Variants in ARFGEF2 observed in about 807,000 individuals in gnomAD.
ARFGEF2 encodes the protein ARF guanine nucleotide exchange factor 2, also known as brefeldin A-inhibited guanine nucleotide-exchange protein 2.
Under a neutral mutation model 219.9 loss-of-function variants are expected in ARFGEF2, and 74 were observed. The observed-to-expected ratio is 0.34, with a 90% CI of 0.28 to 0.41. The LOEUF is 0.41. Among genes scored for constraint, ARFGEF2 ranks in the 10% least tolerant of loss-of-function variants. ARFGEF2 has a pLI of 1.00. For synonymous variants in ARFGEF2, 733 were observed against 799.2 expected (o/e 0.92, Z 1.40); for missense variants, 1,743 against 2,218.3 (o/e 0.79, Z 4.30).
At chr20:49,021,453 A>G (rs2091564416) in intron 34 of ARFGEF2, among the ~76,000 whole-genome samples, 1 of 152,144 alleles carries the variant, frequency 6.6e-6, no homozygotes, top group African/African-American at 2.4e-5. Context: ...GACATGGGCC[A>G]CCCTTGGGCC....
At chr20:48,962,274 T>C (rs2091158067) in intron 6 of ARFGEF2, among the ~76,000 whole-genome samples, 1 of 152,244 alleles carries the variant, frequency 6.6e-6, no homozygotes, top group African/African-American at 2.4e-5. Context: ...TGTGCTATTC[T>C]TTTATATGAC....
intron 1 of ARFGEF2, among the ~76,000 whole-genome samples, chr20:48,937,815 C>G (rs1186652118): frequency 2.6e-5 from 4 of 152,168 alleles, no homozygotes; most frequent in African/African-American, 9.7e-5. Context: ...CATTCCAAAA[C>G]CAGGTTTTAC....
At chr20:48,953,903 T>C (rs2091089804) in intron 6 of ARFGEF2, 113 bp downstream of exon 6, 1 of 1,082,216 alleles carries the variant, frequency 9.2e-7, no homozygotes, top group Non-Finnish European at 1.4e-6. Context: ...TAACAGCTTA[T>C]CTCTTTCTGG....
intron 8 of ARFGEF2, among the ~76,000 whole-genome samples, chr20:48,968,262 G>A (rs984853484): frequency 2.6e-5 from 4 of 151,916 alleles, no homozygotes; most frequent in South Asian, 2.1e-4. Context: ...CAAAGTGCTG[G>A]GATTACAGGC....
At chr20:48,994,895 T>C (rs900720893) in intron 22 of ARFGEF2, among the ~76,000 whole-genome samples, 4 of 152,164 alleles carry the variant, frequency 2.6e-5, no homozygotes, top group Non-Finnish European at 4.4e-5. Context: ...TGCCTGACAT[T>C]AGAGGGGTGT....
chr20:48,998,804 G>A (rs1040997969), intron 25 of ARFGEF2, among the ~76,000 whole-genome samples: 2 of 152,210 alleles, frequency 1.3e-5, no homozygotes, highest in East Asian at 3.8e-4. Flanking sequence ...ATGCTTGGAA[G>A]CATTGTGAAA....
At chr20:48,970,627 T>TA (rs1008274792) in intron 9 of ARFGEF2, among the ~76,000 whole-genome samples, 4 of 151,728 alleles carry the variant, frequency 2.6e-5, no homozygotes, top group South Asian at 2.1e-4. Flanking sequence ...AATAAATAAA[T>TA]AAATAAAATA....
Position 48,973,294 on chromosome 20 carries a change from CT to C in ARFGEF2, c.1665+11del. On this transcript the variant is annotated intron_variant, in intron 12 of 38. Coordinates refer to ENST00000371917, the MANE Select transcript of ARFGEF2 (RefSeq NM_006420.3). ...AATGACACCTCTGCAGGTAAAAACA[CT>C]GTGGACACTCAATTATATTAAAGTT... The C allele has an allele frequency of 6.2e-7, 1 of 1,614,018 alleles. No individual in the cohort carries two copies. The highest frequency in any genetic ancestry group is 8.5e-7 in the Non-Finnish European group (1 of 1,179,918).
Position 48,950,811 on chromosome 20 carries a change from AATATATATATATAT to A in ARFGEF2, c.277-489_277-476del, listed in dbSNP as rs71184245. 9.6e-4 allele frequency among the ~76,000 whole-genome samples: 62 copies of A among 64,506 alleles called. 1 individual carries two copies. Among genetic ancestry groups the A allele is most frequent in the African/African-American group, 3.8e-3 (51 of 13,414 alleles). 42.3% of individuals were successfully genotyped at this position (64,506 alleles called of 152,430 possible). Reference sequence around the variant, plus strand: ...ACCCTGTCTAAAAAAAAAAAAAAAAAATATATATATATATATATATATATATATATATATATGTA... The same window carrying A: ...ACCCTGTCTAAAAAAAAAAAAAAAAAATATATATATATATATATATATGTA... On this transcript the variant is annotated intron_variant, in intron 3 of 38. Coordinates refer to ENST00000371917, the MANE Select transcript of ARFGEF2 (RefSeq NM_006420.3).
chr20:49,003,494 A>G (rs1279841475), intron 25 of ARFGEF2, among the ~76,000 whole-genome samples: 1 of 151,620 alleles, frequency 6.6e-6, no homozygotes. Context: ...AATCCTAGCT[A>G]CTCAGGAGGT....
chr20:49,001,704 C>T (rs1568731046), intron 25 of ARFGEF2, among the ~76,000 whole-genome samples: 1 of 152,228 alleles, frequency 6.6e-6, no homozygotes, highest in Non-Finnish European at 1.5e-5. Context: ...CTCCCCCACA[C>T]ATCTGGCCCT....
rs778517785 is a variant in ARFGEF2, at chr20:49,033,248, C to G, written c.*49C>G. 14 of 1,599,110 alleles carry G rather than the reference C, an allele frequency of 8.8e-6. No individual in the cohort carries two copies. In the Admixed American group the frequency reaches 1.0e-4, roughly 11 times the overall value. ...GCAGCTCTGCAGAATGTTCAGCATG[C>G]CATTTCTGACTGGCACATCTCGTGA... On this transcript the variant is annotated 3_prime_UTR_variant, in exon 39 of 39. Transcript: ENST00000371917.
At position 49,017,555 on chromosome 20, in the gene ARFGEF2, G is replaced by T; in HGVS notation, c.4509+5G>T. 1 of 1,613,778 alleles carries T rather than the reference G, an allele frequency of 6.2e-7. No individual in the cohort carries two copies. The highest frequency in any genetic ancestry group is 8.5e-7 in the Non-Finnish European group (1 of 1,179,954). ...GATTCATCAGAAAAGCATTTGGTAG[G>T]ATTTGGGGTTTTTCTTTGGTTGTCT... On this transcript the variant is annotated splice_donor_5th_base_variant and intron_variant, in intron 33 of 38. Transcript: ENST00000371917.
intron 3 of ARFGEF2, among the ~76,000 whole-genome samples, chr20:48,946,414 G>A (rs1239045126): frequency 2.0e-5 from 3 of 151,918 alleles, no homozygotes; most frequent in Non-Finnish European, 2.9e-5. Context: ...TGTAAGGGGG[G>A]TTAAGGTCAG....
intron 1 of ARFGEF2, among the ~76,000 whole-genome samples, chr20:48,931,517 CTA>C (rs2090913215): frequency 6.6e-6 from 1 of 151,968 alleles, no homozygotes; most frequent in Non-Finnish European, 1.5e-5. Flanking sequence ...TAAAAAAAGA[CTA>C]AAAAAATGAA....
chr20:49,013,608 T>C lies in ARFGEF2; in HGVS notation c.3963T>C (p.Gly1321=), dbSNP rs1490828962. ...GTGATGACATGAATGTAGCTCCTGG[T>C]GACAGAGTCTGGGTCCGAGGCTGGT... is the stretch of plus-strand genomic sequence containing the variant. ...YTSDDMNVAP[G]DRVWVRGWFP... The change falls in exon 29 of 39, where the codon GGT becomes GGC. Residue 1321 remains glycine, a synonymous_variant. Transcript: ENST00000371917. 5.0e-6 allele frequency: 8 copies of C among 1,614,168 alleles called. No individual in the cohort carries two copies. The highest frequency in any genetic ancestry group is 6.8e-6 in the Non-Finnish European group (8 of 1,180,004).
chr20:48,926,034 C>G (rs753164417), intron 1 of ARFGEF2, among the ~76,000 whole-genome samples: 5 of 152,300 alleles, frequency 3.3e-5, no homozygotes, highest in Middle Eastern at 6.8e-3. Flanking sequence ...GTGGGCTTTT[C>G]ATGCAATTTA....
chr20:48,945,435 C>T (rs1275511179), intron 3 of ARFGEF2, among the ~76,000 whole-genome samples: 1 of 152,134 alleles, frequency 6.6e-6, no homozygotes, highest in Admixed American at 6.5e-5. Flanking sequence ...TGGTTCTGGC[C>T]TGTTTAGTAA....
chr20:49,002,741 A>G (rs908052901), intron 25 of ARFGEF2, among the ~76,000 whole-genome samples: 5 of 125,688 alleles, frequency 4.0e-5, no homozygotes, highest in African/African-American at 9.2e-5. Flanking sequence ...CCTCCCAAGT[A>G]CAAGCAATTC....
Sources: gnomAD v4.1 joint callset for allele counts (sites outside exome capture counted in the v4.1 genomes callset) on GRCh38, gnomAD v4.1.1 for gene constraint, MANE v1.5 for transcripts, NCBI Gene and HGNC (gene_info 2026-07-23, HGNC 2026-07-21) for gene names.